ESYT3: variants seen among roughly 807,000 people sequenced by gnomAD.
The protein encoded by ESYT3 is extended synaptotagmin-3.
Under a neutral mutation model 111.5 loss-of-function variants are expected in ESYT3, and 101 were observed. That is an observed-to-expected ratio of 0.91 (90% CI 0.77 to 1.07). The LOEUF (loss-of-function observed/expected upper bound fraction) is 1.07, where lower values mean the gene tolerates loss of function less well. Ranked by LOEUF, ESYT3 falls within the 50% of genes least tolerant of loss-of-function variation. The pLI is 0.00. For synonymous variants in ESYT3, 416 were observed against 446.8 expected (o/e 0.93, Z 0.87); for missense variants, 1,097 against 1,109.4 (o/e 0.99, Z 0.16).
chr3:138,449,669 G>A (rs1405095408), intron 1 of ESYT3, among the ~76,000 whole-genome samples: 2 of 152,082 alleles, frequency 1.3e-5, no homozygotes, highest in African/African-American at 2.4e-5. Context: ...AAAACAACCC[G>A]GGCCAAAGGT....
chr3:138,460,314 C>G (rs2032552737), intron 6 of ESYT3, among the ~76,000 whole-genome samples: 1 of 152,198 alleles, frequency 6.6e-6, no homozygotes, highest in Non-Finnish European at 1.5e-5. Flanking sequence ...AGCCTGTGGC[C>G]ATGTGGACGA....
At chr3:138,437,234 C>T (rs1022990769) in intron 1 of ESYT3, among the ~76,000 whole-genome samples, 7 of 152,116 alleles carry the variant, frequency 4.6e-5, no homozygotes, top group East Asian at 1.9e-4. Context: ...AGCCAGGAGT[C>T]GGAACAGGGT....
intron 2 of ESYT3, among the ~76,000 whole-genome samples, chr3:138,454,376 T>A (rs2032138826): frequency 1.3e-5 from 2 of 151,594 alleles, no homozygotes; most frequent in African/African-American, 4.9e-5. Context: ...TGTCTCTAAC[T>A]AAAAATAAAA....
Position 138,460,013 on chromosome 3 carries a change from T to C in ESYT3, c.717T>C (p.Thr239=). The C allele has an allele frequency of 6.2e-7, 1 of 1,614,124 alleles. No individual in the cohort carries two copies. Among genetic ancestry groups the C allele is most frequent in the Non-Finnish European group, 8.5e-7 (1 of 1,179,984 alleles). The change falls in exon 6 of 23, where the codon ACT becomes ACC. Residue 239 remains threonine (T), a synonymous_variant. Transcript: ENST00000389567. ...ACAAGCCCTTTGTGGGAGCCGTGAC[T>C]GTGTTCTTCCTTCAGAAGCCGGTGA... ...LVDKPFVGAV[T]VFFLQKPHLQ...
chr3:138,462,516 A>T (rs918143842), intron 8 of ESYT3: 17 of 502,496 alleles, frequency 3.4e-5, no homozygotes, highest in Non-Finnish European at 3.5e-6. Flanking sequence ...AGGGTTTTAT[A>T]CCTTAACTTC....
intron 1 of ESYT3, among the ~76,000 whole-genome samples, chr3:138,443,736 CTG>C (rs11268903): frequency 4.1e-4 from 61 of 147,978 alleles, no homozygotes; most frequent in East Asian, 9.1e-4. Flanking sequence ...GTTTGTGCAT[CTG>C]TGTGTGTGTG....
At chr3:138,448,355 C>T (rs916640515) in intron 1 of ESYT3, among the ~76,000 whole-genome samples, 2 of 150,316 alleles carry the variant, frequency 1.3e-5, no homozygotes, top group South Asian at 2.1e-4. Flanking sequence ...ATTAAAACCA[C>T]GTGGTACTGG....
At chr3:138,473,661 T>G in intron 19 of ESYT3, 27 bp downstream of exon 19, 1 of 1,592,556 alleles carries the variant, frequency 6.3e-7, no homozygotes, top group South Asian at 1.1e-5. Context: ...GCCAGGGAGG[T>G]CCTTTGGGAG....
At chr3:138,480,262 A>G (rs1342794544), downstream of ESYT3, 2 of 152,204 alleles carry the variant, frequency 1.3e-5, no homozygotes, top group African/African-American at 4.8e-5. Context: ...GGTTCACATG[A>G]AACAGAAATG....
chr3:138,470,540 C>T (rs894096422), intron 16 of ESYT3: 18 of 1,150,476 alleles, frequency 1.6e-5, no homozygotes, highest in Non-Finnish European at 1.8e-5. Flanking sequence ...TCCAAGATCT[C>T]ATGACCAACA....
chr3:138,453,292 A>T (rs1237945617), intron 2 of ESYT3, among the ~76,000 whole-genome samples: 1 of 152,216 alleles, frequency 6.6e-6, no homozygotes, highest in Non-Finnish European at 1.5e-5. Context: ...CGTTGGAGAT[A>T]TAAGACTGTT....
intron 16 of ESYT3, 94 bp downstream of exon 16, chr3:138,470,240 G>A: frequency 6.8e-7 from 1 of 1,478,734 alleles, no homozygotes; most frequent in Admixed American, 2.0e-5. Context: ...AGGTTCTCCT[G>A]GCAGCGTTTA....
intron 14 of ESYT3, 97 bp downstream of exon 14, chr3:138,468,978 G>A (rs957253611): frequency 4.7e-6 from 6 of 1,269,418 alleles, no homozygotes; most frequent in African/African-American, 4.4e-5. Context: ...CACAGTCTGT[G>A]CACACACAGC....
At position 138,435,250 on chromosome 3, in the gene ESYT3, C is replaced by T; in HGVS notation, c.327+125C>T. The T allele has an allele frequency of 1.0e-6, 1 of 954,966 alleles. No individual in the cohort carries two copies. The highest frequency in any genetic ancestry group is 1.5e-6 in the Non-Finnish European group (1 of 661,754). The allele number at this position is 954,966 out of a possible 1,614,324, so 59.2% of individuals were successfully genotyped here. Reference sequence around the variant, plus strand: ...GGGCGGGAGCCCGGCGACCTGCACACCCCGTTCCCCACCGCTCCCGGGGCG... The same window carrying T: ...GGGCGGGAGCCCGGCGACCTGCACATCCCGTTCCCCACCGCTCCCGGGGCG... On this transcript the variant is annotated intron_variant, in intron 1 of 22. Transcript: ENST00000389567. The surrounding 1 kb of genome is among the most constrained non-coding windows in gnomAD (Gnocchi z 4.8).
rs2033620191 is a variant in ESYT3, at chr3:138,479,281, C to G, written c.*2427C>G. On this transcript the variant is annotated 3_prime_UTR_variant, in exon 23 of 23. Transcript: ENST00000389567. ...ATGATGATTGTTCACAAGATATAAA[C>G]AAATAACCAAAGATTTTTGCAAGGG... is the stretch of plus-strand genomic sequence containing the variant. 6.6e-6 allele frequency: 1 copy of G among 152,096 alleles called. No individual in the cohort carries two copies. Among genetic ancestry groups the G allele is most frequent in the South Asian group, 2.1e-4 (1 of 4,826 alleles). 9.4% of individuals were successfully genotyped at this position (152,096 alleles called of 1,614,324 possible).
chr3:138,480,989 T>G (rs920484502), downstream of ESYT3: 3 of 152,184 alleles, frequency 2.0e-5, no homozygotes, highest in Non-Finnish European at 4.4e-5. Context: ...AGGGAAAAGA[T>G]AGACTTTTCA....
chr3:138,468,534 G>A (rs190974908), intron 12 of ESYT3, 121 bp from the exon 13 acceptor site: 24 of 964,894 alleles, frequency 2.5e-5, no homozygotes, highest in East Asian at 2.4e-4. Flanking sequence ...GAGGTCCTCC[G>A]GCAGCTAGTC....
chr3:138,478,362 G>GGTTTCTATTTTAAATGGC lies in ESYT3; in HGVS notation c.*1509_*1526dup, dbSNP rs1163414745. ...GCATGGTGAAATTCGTTTCTGCTGA[G>GGTTTCTATTTTAAATGGC]GTTTCTATTTTAAATGGCAAATTCT... On this transcript the variant is annotated 3_prime_UTR_variant, in exon 23 of 23. Coordinates refer to ENST00000389567, the MANE Select transcript of ESYT3 (RefSeq NM_031913.5). 2.6e-5 allele frequency: 4 copies of GGTTTCTATTTTAAATGGC among 152,112 alleles called. No individual in the cohort carries two copies. Among genetic ancestry groups the GGTTTCTATTTTAAATGGC allele is most frequent in the Admixed American group, 6.5e-5 (1 of 15,270 alleles). 9.4% of individuals were successfully genotyped at this position (152,112 alleles called of 1,614,324 possible).
intron 3 of ESYT3, among the ~76,000 whole-genome samples, chr3:138,457,317 T>C (rs1053178347): frequency 3.3e-5 from 5 of 152,118 alleles, no homozygotes; most frequent in African/African-American, 1.2e-4. Context: ...CTATGGGGCA[T>C]GAACAACAGG....
Sources: gnomAD v4.1 joint callset for allele counts (sites outside exome capture counted in the v4.1 genomes callset) on GRCh38, gnomAD v4.1.1 for gene constraint, Gnocchi (gnomAD v3.1) non-coding constraint, MANE v1.5 for transcripts, NCBI Gene and HGNC (gene_info 2026-07-23, HGNC 2026-07-21) for gene names.